DMRT1: variants seen among roughly 807,000 people sequenced by gnomAD.
DMRT1 encodes the protein doublesex and mab-3 related transcription factor 1.
A neutral mutation model predicts 32.3 loss-of-function variants in DMRT1; 7 were observed. The ratio of observed to expected loss-of-function variants is 0.22; its 90% CI spans 0.12 to 0.41. The LOEUF (loss-of-function observed/expected upper bound fraction) is 0.41. Ranked by LOEUF, DMRT1 falls within the 10% of genes least tolerant of loss-of-function variation. The pLI is 1.00. For synonymous variants in DMRT1, 278 were observed against 206.1 expected (o/e 1.35, Z -2.99); for missense variants, 625 against 500.5 (o/e 1.25, Z -2.37).
rs112103407 is a variant in DMRT1 at position 893,813 on chromosome 9, T to C, written c.539-99T>C. ...TGGTTTTGTCTTCTGCATATTCAGC[T>C]ACCTTGCTCCGCAGGTCTTGGGTAG... is the stretch of plus-strand genomic sequence containing the variant. On this transcript the variant is annotated intron_variant, in intron 2 of 4. Coordinates refer to ENST00000382276, the MANE Select transcript of DMRT1 (RefSeq NM_021951.3). The C allele has an allele frequency of 9.1e-5, 100 of 1,102,016 alleles. No homozygotes were observed. The African/African-American group carries it at 9.7e-4, about 11-fold the overall frequency. 68.3% of individuals were successfully genotyped at this position (1,102,016 alleles called of 1,614,324 possible).
chr9:959,691 C>G (rs1447427219), intron 4 of DMRT1, among the ~76,000 whole-genome samples: 1 of 149,544 alleles, frequency 6.7e-6, no homozygotes, highest in African/African-American at 2.5e-5. Context: ...CTATGCCCGG[C>G]TAATTTTTGT....
At chr9:902,116 G>C (rs1274216519) in intron 3 of DMRT1, among the ~76,000 whole-genome samples, 1 of 151,372 alleles carries the variant, frequency 6.6e-6, no homozygotes. Context: ...TGCCATGTTG[G>C]CCAGGCTGGT....
chr9:929,708 C>T (rs753146154), intron 4 of DMRT1, among the ~76,000 whole-genome samples: 1 of 152,056 alleles, frequency 6.6e-6, no homozygotes, highest in Non-Finnish European at 1.5e-5. Flanking sequence ...GTTCCGTTGT[C>T]CCCCTGTTTG....
chr9:919,877 C>G (rs754878370), intron 4 of DMRT1, among the ~76,000 whole-genome samples: 6 of 152,148 alleles, frequency 3.9e-5, no homozygotes, highest in Non-Finnish European at 8.8e-5. Context: ...TGCTGTTGGT[C>G]TTTGGATGGG....
chr9:874,857 G>T (rs2132617035), intron 2 of DMRT1, among the ~76,000 whole-genome samples: 1 of 143,110 alleles, frequency 7.0e-6, no homozygotes, highest in South Asian at 2.3e-4. Flanking sequence ...ACCCCAGCTG[G>T]AGTGCAGTGG....
chr9:847,493 G>T (rs575292848), intron 2 of DMRT1, among the ~76,000 whole-genome samples: 12 of 152,168 alleles, frequency 7.9e-5, no homozygotes, highest in Non-Finnish European at 1.8e-4. Context: ...AGAACTAGAA[G>T]TCCACTTCTC....
chr9:917,766 A>G (rs1161110258), intron 4 of DMRT1, among the ~76,000 whole-genome samples: 2 of 152,242 alleles, frequency 1.3e-5, no homozygotes, highest in Non-Finnish European at 1.5e-5. Context: ...TTGATTTCCA[A>G]ATTCAGAACC....
At chr9:926,319 G>C (rs1818522437) in intron 4 of DMRT1, among the ~76,000 whole-genome samples, 1 of 152,160 alleles carries the variant, frequency 6.6e-6, no homozygotes, top group South Asian at 2.1e-4. Flanking sequence ...GTTAATATTT[G>C]ATAAGGGCAG....
At chr9:901,911 C>CTTTTT (rs34006231) in intron 3 of DMRT1, among the ~76,000 whole-genome samples, 1 of 114,308 alleles carries the variant, frequency 8.7e-6, no homozygotes, top group African/African-American at 3.3e-5. Context: ...GAAACTAGCC[C>CTTTTT]TTTTTTTTTT....
At chr9:866,106 G>C (rs529259868) in intron 2 of DMRT1, among the ~76,000 whole-genome samples, 1 of 144,836 alleles carries the variant, frequency 6.9e-6, no homozygotes, top group Non-Finnish European at 1.5e-5. Context: ...AGCAGCTGCC[G>C]TGAGCCGAGA....
At chr9:851,089 G>C (rs1006117225) in intron 2 of DMRT1, among the ~76,000 whole-genome samples, 1 of 151,258 alleles carries the variant, frequency 6.6e-6, no homozygotes, top group Non-Finnish European at 1.5e-5. Flanking sequence ...AAGTTATGCA[G>C]TGAGAGGTGA....
chr9:955,156 C>A (rs1459710973), intron 4 of DMRT1, among the ~76,000 whole-genome samples: 1 of 151,974 alleles, frequency 6.6e-6, no homozygotes, highest in Non-Finnish European at 1.5e-5. Context: ...AGTACTGTGG[C>A]CTGAGGACTG....
At chr9:906,040 C>G (rs866205851) in intron 3 of DMRT1, among the ~76,000 whole-genome samples, 1 of 74,970 alleles carries the variant, frequency 1.3e-5, no homozygotes, top group Non-Finnish European at 3.9e-5. Flanking sequence ...CCCACACACA[C>G]ACACACACAC....
At chr9:868,122 C>T (rs1227388769) in intron 2 of DMRT1, among the ~76,000 whole-genome samples, 4 of 152,180 alleles carry the variant, frequency 2.6e-5, no homozygotes, top group Admixed American at 6.5e-5. Flanking sequence ...GGACTACAGG[C>T]GCAAGCCACC....
chr9:924,905 T>C (rs1818471412), intron 4 of DMRT1, among the ~76,000 whole-genome samples: 1 of 152,146 alleles, frequency 6.6e-6, no homozygotes, highest in Non-Finnish European at 1.5e-5. Context: ...CTTCTTTCTC[T>C]TTCTACATAC....
At chr9:915,998 G>C (rs1818166967) in intron 3 of DMRT1, among the ~76,000 whole-genome samples, 4 of 152,158 alleles carry the variant, frequency 2.6e-5, no homozygotes, top group Admixed American at 2.6e-4. Context: ...CTCCCAAAGT[G>C]CTGGGATTAC....
intron 3 of DMRT1, among the ~76,000 whole-genome samples, chr9:896,886 C>G (rs1817389081): frequency 6.6e-6 from 1 of 152,036 alleles, no homozygotes; most frequent in South Asian, 2.1e-4. Flanking sequence ...CTGACCCATT[C>G]TGTTCCATTT....
At chr9:853,681 C>T (rs7045797) in intron 2 of DMRT1, among the ~76,000 whole-genome samples, 64,281 of 151,692 alleles carry the variant, frequency 0.42, 13,789 homozygotes, top group East Asian at 0.59. Flanking sequence ...ATTTTTATAT[C>T]TTTGGTAGAG....
chr9:908,778 G>A (rs1174781761), intron 3 of DMRT1, among the ~76,000 whole-genome samples: 1 of 151,984 alleles, frequency 6.6e-6, no homozygotes, highest in Non-Finnish European at 1.5e-5. Flanking sequence ...TGAAATGGTT[G>A]GTTCTCTCTG....
Sources: gnomAD v4.1 joint callset for allele counts (sites outside exome capture counted in the v4.1 genomes callset) on GRCh38, gnomAD v4.1.1 for gene constraint, MANE v1.5 for transcripts, NCBI Gene and HGNC (gene_info 2026-07-23, HGNC 2026-07-21) for gene names.